SMYD3: variants seen among roughly 807,000 people sequenced by gnomAD.
The protein encoded by SMYD3 is histone-lysine N-methyltransferase SMYD3.
In SMYD3, 36 loss-of-function variants were observed where a neutral mutation model predicts 57.7. The observed-to-expected ratio is 0.62, with a 90% confidence interval of 0.48 to 0.82. The LOEUF is 0.82. Among genes scored for constraint, SMYD3 ranks in the 40% least tolerant of loss-of-function variants. SMYD3 has a pLI of 0.00. For missense variants in SMYD3, 515 were observed against 538.8 expected, an observed-to-expected ratio of 0.96 and a Z score of 0.44; for synonymous variants, 211 against 195.0, an observed-to-expected ratio of 1.08 and a Z score of -0.68.
At chr1:245,995,041 C>T (rs888640136) in intron 5 of SMYD3, among the ~76,000 whole-genome samples, 6 of 151,806 alleles carry the variant, frequency 4.0e-5, no homozygotes, top group East Asian at 1.9e-4. Flanking sequence ...TGCAGTGAGC[C>T]GAGATTGCGC....
chr1:246,301,773 A>G (rs1405358886), intron 5 of SMYD3, among the ~76,000 whole-genome samples: 1 of 152,178 alleles, frequency 6.6e-6, no homozygotes, highest in African/African-American at 2.4e-5. Context: ...AATCCCTGCA[A>G]CATCACTGGC....
chr1:246,078,473 C>A (rs913843789), intron 5 of SMYD3, among the ~76,000 whole-genome samples: 2 of 152,246 alleles, frequency 1.3e-5, no homozygotes, highest in Admixed American at 6.5e-5. Context: ...TCTTGTTCCA[C>A]TTCTGCTTCT....
intron 1 of SMYD3, among the ~76,000 whole-genome samples, chr1:246,437,780 T>C (rs1403590007): frequency 6.6e-6 from 1 of 152,208 alleles, no homozygotes; most frequent in Non-Finnish European, 1.5e-5. Context: ...TTTCCAGCTG[T>C]TGTTATATCA....
intron 10 of SMYD3, among the ~76,000 whole-genome samples, chr1:245,812,423 G>A (rs143165821): frequency 1.1e-3 from 171 of 152,200 alleles, no homozygotes; most frequent in Middle Eastern, 3.4e-3. Flanking sequence ...TCTGATGGCC[G>A]CACAAAGGAA....
intron 1 of SMYD3, among the ~76,000 whole-genome samples, chr1:246,384,459 C>A (rs1380394414): frequency 1.2e-4 from 18 of 151,896 alleles, no homozygotes; most frequent in Admixed American, 1.2e-3. Context: ...GCAGTGGTGC[C>A]ATCTCGGCTC....
At position 245,749,452 on chromosome 1, in the gene SMYD3, A is replaced by G; in HGVS notation, c.*111T>C. On this transcript the variant is annotated 3_prime_UTR_variant, in exon 12 of 12. Transcript: ENST00000490107. ...CCTTTATTTACCTACACAAACACGG[A>G]ACAGAATTTCCAATAGGAGAGGTTC... The G allele has an allele frequency of 2.6e-6, 2 of 782,850 alleles. No individual in the cohort carries two copies. The highest frequency in any genetic ancestry group is 2.6e-5 in the East Asian group (1 of 38,638). The allele number at this position is 782,850 out of a possible 1,614,324, so 48.5% of individuals were successfully genotyped here.
intron 5 of SMYD3, among the ~76,000 whole-genome samples, chr1:245,979,185 C>G (rs749320405): frequency 2.0e-5 from 3 of 152,138 alleles, no homozygotes; most frequent in Non-Finnish European, 4.4e-5. Flanking sequence ...GGAGTCAACT[C>G]AAATGCCCAA....
At chr1:245,864,079 C>A (rs1390779918) in intron 8 of SMYD3, among the ~76,000 whole-genome samples, 193 bp from the exon 9 acceptor site, 2 of 152,104 alleles carry the variant, frequency 1.3e-5, no homozygotes, top group South Asian at 2.1e-4. Context: ...TGGCTATAAT[C>A]AAAAAGACAG....
chr1:246,071,860 G>A lies in SMYD3; in HGVS notation c.532-141923C>T, dbSNP rs113925107. Among the ~76,000 whole-genome samples the A allele has an allele frequency of 3.6e-3, 489 of 134,272 alleles. 4 individuals carry two copies. Among genetic ancestry groups the A allele is most frequent in the South Asian group, 5.4e-3 (22 of 4,058 alleles). The allele number at this position is 134,272 out of a possible 152,430, so 88.1% of individuals were successfully genotyped here. On this transcript the variant is annotated intron_variant, in intron 5 of 11. Coordinates refer to ENST00000490107, the MANE Select transcript of SMYD3 (RefSeq NM_001167740.2). Reference sequence around the variant, plus strand: ...TCCTGTTAGTTCTGGGGAGGGATTCGTGTGCTTTCCGCTGTGCTCACTGTC... The same window carrying A: ...TCCTGTTAGTTCTGGGGAGGGATTCATGTGCTTTCCGCTGTGCTCACTGTC...
intron 1 of SMYD3, among the ~76,000 whole-genome samples, chr1:246,441,536 T>C (rs1390001074): frequency 6.6e-6 from 1 of 152,210 alleles, no homozygotes; most frequent in African/African-American, 2.4e-5. Context: ...TTCCAGTGGC[T>C]CAACAAAGGC....
intron 5 of SMYD3, among the ~76,000 whole-genome samples, chr1:246,053,305 G>A (rs558083898): frequency 6.6e-6 from 1 of 151,906 alleles, no homozygotes; most frequent in East Asian, 1.9e-4. Flanking sequence ...CAAAATAGCA[G>A]GCTTTTTAAA....
chr1:246,503,808 C>T (rs2068494838), intron 1 of SMYD3, among the ~76,000 whole-genome samples: 1 of 151,972 alleles, frequency 6.6e-6, no homozygotes, highest in African/African-American at 2.4e-5. Context: ...ACTAAAAATA[C>T]AAAAATTAGC....
At chr1:246,428,592 A>G (rs890556935) in intron 1 of SMYD3, among the ~76,000 whole-genome samples, 8 of 152,254 alleles carry the variant, frequency 5.3e-5, no homozygotes, top group African/African-American at 1.7e-4. Context: ...GAGAGCATCT[A>G]TTACATTTGC....
chr1:246,270,165 T>C (rs1017273623), intron 5 of SMYD3, among the ~76,000 whole-genome samples: 1 of 152,202 alleles, frequency 6.6e-6, no homozygotes, highest in Non-Finnish European at 1.5e-5. Flanking sequence ...GATAGAATTT[T>C]CTTTAAAACT....
At chr1:245,816,980 G>C (rs547953038) in intron 10 of SMYD3, among the ~76,000 whole-genome samples, 1 of 151,460 alleles carries the variant, frequency 6.6e-6, no homozygotes, top group Admixed American at 6.6e-5. Flanking sequence ...AGGGGCGCCC[G>C]CCATTGCCCA....
At chr1:246,173,623 C>T (rs1219925441) in intron 5 of SMYD3, among the ~76,000 whole-genome samples, 1 of 152,120 alleles carries the variant, frequency 6.6e-6, no homozygotes, top group African/African-American at 2.4e-5. Flanking sequence ...CACAAACACA[C>T]ACATTAGTCT....
At chr1:245,883,448 CAA>C (rs2052904405) in intron 8 of SMYD3, among the ~76,000 whole-genome samples, 1 of 152,148 alleles carries the variant, frequency 6.6e-6, no homozygotes, top group Non-Finnish European at 1.5e-5. Flanking sequence ...GGTTAAAAAA[CAA>C]AAGTCTACCA....
At chr1:246,326,332 G>A (rs2065348213) in intron 5 of SMYD3, 1 of 687,714 alleles carries the variant, frequency 1.5e-6, no homozygotes, top group Non-Finnish European at 2.7e-6. Flanking sequence ...TAGCAGTGAG[G>A]GGGTGTTTCT....
intron 7 of SMYD3, among the ~76,000 whole-genome samples, chr1:245,920,785 AAATT>A (rs1180019937): frequency 6.6e-6 from 1 of 152,240 alleles, no homozygotes; most frequent in Non-Finnish European, 1.5e-5. Flanking sequence ...CCATATATAA[AAATT>A]AATACAAAGA....
Sources: gnomAD v4.1 joint callset for allele counts (sites outside exome capture counted in the v4.1 genomes callset) on GRCh38, gnomAD v4.1.1 for gene constraint, MANE v1.5 for transcripts, NCBI Gene and HGNC (gene_info 2026-07-23, HGNC 2026-07-21) for gene names.